Variants in LRRTM4 observed in about 807,000 individuals in gnomAD.
LRRTM4 encodes the protein leucine rich repeat transmembrane neuronal 4, also known as leucine-rich repeat transmembrane neuronal protein 4.
LRRTM4 carries 25 observed loss-of-function variants against 47.6 expected under a neutral mutation model. That is an observed-to-expected ratio of 0.53 (90% CI 0.38 to 0.73). LRRTM4 has a LOEUF of 0.73. Among genes scored for constraint, LRRTM4 ranks in the 30% least tolerant of loss-of-function variants. The pLI, the probability that LRRTM4 is intolerant of heterozygous loss-of-function variation, is 0.00. For missense variants in LRRTM4, 638 were observed against 713.4 expected, an observed-to-expected ratio of 0.89 and a Z score of 1.20; for synonymous variants, 311 against 269.5, an observed-to-expected ratio of 1.15 and a Z score of -1.51.
At chr2:76,908,272 G>A (rs1475882918) in intron 3 of LRRTM4, among the ~76,000 whole-genome samples, 2 of 151,984 alleles carry the variant, frequency 1.3e-5, no homozygotes, top group Non-Finnish European at 2.9e-5. Flanking sequence ...ATGCAGAAAA[G>A]GCCTTTGACA....
intron 3 of LRRTM4, among the ~76,000 whole-genome samples, chr2:76,858,940 G>T (rs1006250725): frequency 3.3e-5 from 5 of 152,220 alleles, no homozygotes; most frequent in Admixed American, 3.3e-4. Context: ...CTCCATCCAG[G>T]TGTCTGGATG....
At chr2:77,231,234 C>G (rs1028048740) in intron 3 of LRRTM4, among the ~76,000 whole-genome samples, 7 of 151,588 alleles carry the variant, frequency 4.6e-5, no homozygotes, top group Non-Finnish European at 1.0e-4. Flanking sequence ...CACACACACA[C>G]AGATGCACAC....
At chr2:76,927,525 C>T (rs1414377622) in intron 3 of LRRTM4, among the ~76,000 whole-genome samples, 2 of 152,070 alleles carry the variant, frequency 1.3e-5, no homozygotes, top group Non-Finnish European at 2.9e-5. Context: ...GTTCTCGGAG[C>T]TACTGCCTTT....
intron 3 of LRRTM4, among the ~76,000 whole-genome samples, chr2:77,325,477 A>G (rs572555049): frequency 6.6e-6 from 1 of 152,294 alleles, no homozygotes; most frequent in South Asian, 2.1e-4. Flanking sequence ...ACTGGAAATA[A>G]AATTAGAGTG....
chr2:77,007,911 G>A (rs1405165475), intron 3 of LRRTM4, among the ~76,000 whole-genome samples: 1 of 152,148 alleles, frequency 6.6e-6, no homozygotes, highest in Non-Finnish European at 1.5e-5. Flanking sequence ...ATCCAAGATA[G>A]CTTTCATATA....
chr2:77,520,368 G>C (rs2104136224), intron 2 of LRRTM4, among the ~76,000 whole-genome samples: 1 of 152,144 alleles, frequency 6.6e-6, no homozygotes, highest in East Asian at 1.9e-4. Context: ...AGTTTGCCCT[G>C]CCTGAAATTG....
chr2:77,195,515 T>C (rs1673796381), intron 3 of LRRTM4, among the ~76,000 whole-genome samples: 1 of 152,098 alleles, frequency 6.6e-6, no homozygotes. Context: ...CAATAGTTTA[T>C]TCAAAATTTA....
intron 3 of LRRTM4, among the ~76,000 whole-genome samples, chr2:77,446,866 G>A (rs577496253): frequency 6.6e-6 from 1 of 152,188 alleles, no homozygotes; most frequent in African/African-American, 2.4e-5. Context: ...CTCAGGCTTT[G>A]AGGACTCACA....
At chr2:77,064,434 G>C (rs2103809091) in intron 3 of LRRTM4, among the ~76,000 whole-genome samples, 1 of 152,278 alleles carries the variant, frequency 6.6e-6, no homozygotes, top group Non-Finnish European at 1.5e-5. Context: ...TAATTTGAAA[G>C]TAGATTTCAA....
chr2:77,126,267 A>G (rs1671650533), intron 3 of LRRTM4, among the ~76,000 whole-genome samples: 1 of 152,186 alleles, frequency 6.6e-6, no homozygotes, highest in Admixed American at 6.5e-5. Flanking sequence ...TAATATTCTA[A>G]GAGACAGACC....
chr2:77,202,558 T>C (rs1418585990), intron 3 of LRRTM4, among the ~76,000 whole-genome samples: 1 of 152,040 alleles, frequency 6.6e-6, no homozygotes, highest in East Asian at 1.9e-4. Flanking sequence ...AATTTTTTTT[T>C]TTCCAGAAAG....
chr2:77,338,353 T>C lies in LRRTM4; in HGVS notation c.1551+179965A>G, dbSNP rs144855683. On this transcript the variant is annotated intron_variant, in intron 3 of 3. Coordinates refer to ENST00000409884, the MANE Select transcript of LRRTM4 (RefSeq NM_001134745.3). ...ATAAACTATGCATCCAATGAAGGAC[T>C]AATGCTCAGAATCTATAAGAAACTT... is the stretch of plus-strand genomic sequence containing the variant. Among the ~76,000 whole-genome samples the C allele has an allele frequency of 8.4e-3, 1,279 of 152,126 alleles. 22 individuals carry two copies. The highest frequency in any genetic ancestry group is 0.03 in the African/African-American group (1,243 of 41,518).
intron 3 of LRRTM4, among the ~76,000 whole-genome samples, chr2:76,863,664 G>A (rs1253443267): frequency 3.3e-5 from 5 of 151,872 alleles, no homozygotes; most frequent in Admixed American, 6.6e-5. Context: ...AGCTAAGTGC[G>A]GAGTTTTTCA....
At chr2:76,776,955 C>G (rs1316227566) in intron 3 of LRRTM4, among the ~76,000 whole-genome samples, 1 of 133,042 alleles carries the variant, frequency 7.5e-6, no homozygotes, top group Admixed American at 7.7e-5. Flanking sequence ...AGGAAGGGAT[C>G]CAGTTTCAGC....
At chr2:76,850,936 C>G (rs969199379) in intron 3 of LRRTM4, among the ~76,000 whole-genome samples, 1 of 152,164 alleles carries the variant, frequency 6.6e-6, no homozygotes, top group Non-Finnish European at 1.5e-5. Flanking sequence ...TTATTGTAGA[C>G]TCCTTTAGGA....
intron 3 of LRRTM4, among the ~76,000 whole-genome samples, chr2:77,166,027 G>A (rs1038345707): frequency 2.6e-5 from 4 of 152,320 alleles, no homozygotes; most frequent in Non-Finnish European, 5.9e-5. Context: ...AATTGTCCCT[G>A]TTTGCAGATG....
chr2:76,840,932 C>A lies in LRRTM4; in HGVS notation c.1552-92016G>T, dbSNP rs557935076. On this transcript the variant is annotated intron_variant, in intron 3 of 3. Coordinates refer to ENST00000409884, the MANE Select transcript of LRRTM4 (RefSeq NM_001134745.3). ...CAGCCATCCCATTACTGGGTATATA[C>A]CCAAAGGATTATAAATCATGCTGCT... is the stretch of plus-strand genomic sequence containing the variant. 2.4e-3 allele frequency among the ~76,000 whole-genome samples: 363 copies of A among 151,780 alleles called. 5 individuals carry two copies. The highest frequency in any genetic ancestry group is 8.5e-3 in the African/African-American group (350 of 41,244).
intron 3 of LRRTM4, among the ~76,000 whole-genome samples, chr2:77,129,637 A>G (rs909554196): frequency 6.6e-6 from 1 of 152,216 alleles, no homozygotes; most frequent in Admixed American, 6.5e-5. Context: ...ACAAATGAGA[A>G]TGATGTAAAT....
intron 3 of LRRTM4, among the ~76,000 whole-genome samples, chr2:76,900,322 T>A (rs896526628): frequency 4.2e-5 from 6 of 141,658 alleles, no homozygotes; most frequent in Non-Finnish European, 9.1e-5. Flanking sequence ...TATATATAGT[T>A]TTTTGTAGAT....
Sources: gnomAD v4.1 joint callset for allele counts (sites outside exome capture counted in the v4.1 genomes callset) on GRCh38, gnomAD v4.1.1 for gene constraint, MANE v1.5 for transcripts, NCBI Gene and HGNC (gene_info 2026-07-23, HGNC 2026-07-21) for gene names.